The following ZNF44 variants were observed in gnomAD, a reference collection of about 807,000 sequenced individuals.
The protein encoded by ZNF44 is gonadotropin inducible transcription repressor-2.
ZNF44 carries 9 observed loss-of-function variants against 11.7 expected under a neutral mutation model. The ratio of observed to expected loss-of-function variants is 0.77; its 90% CI spans 0.46 to 1.35. The LOEUF (loss-of-function observed/expected upper bound fraction) is 1.35. Among genes scored for constraint, ZNF44 ranks in the 40% most tolerant of loss-of-function variants. The probability of loss-of-function intolerance (pLI) is 0.00; values close to 1 mark genes in which losing one functional copy is unlikely to be tolerated. For missense variants in ZNF44, 696 were observed against 743.1 expected (o/e 0.94, Z 0.74); for synonymous variants, 224 against 242.7 (o/e 0.92, Z 0.72).
chr19:12,229,229 C>T (rs1916053912), intron 3 of ZNF44, among the ~76,000 whole-genome samples: 1 of 152,084 alleles, frequency 6.6e-6, no homozygotes, highest in Admixed American at 6.6e-5. Flanking sequence ...TCCCAATTGG[C>T]TTATTGGCCT....
At chr19:12,233,682 C>T (rs1465538069) in intron 2 of ZNF44, among the ~76,000 whole-genome samples, 1 of 151,442 alleles carries the variant, frequency 6.6e-6, no homozygotes, top group Non-Finnish European at 1.5e-5. Flanking sequence ...ATGACTTAAA[C>T]ACATTGAAAT....
intron 1 of ZNF44, among the ~76,000 whole-genome samples, chr19:12,282,894 A>C (rs1967546258): frequency 6.6e-6 from 1 of 152,202 alleles, no homozygotes; most frequent in South Asian, 2.1e-4. Context: ...ATTGTCTTCC[A>C]CTTAGAACAT....
At chr19:12,287,346 C>G (rs1967806735) in intron 1 of ZNF44, among the ~76,000 whole-genome samples, 1 of 152,094 alleles carries the variant, frequency 6.6e-6, no homozygotes, top group African/African-American at 2.4e-5. Context: ...TCCCGAGTAG[C>G]TGGGACTACA....
rs566842579 is a variant in ZNF44, at chr19:12,231,568, C to T, written n.381-1053G>A. Among the ~76,000 whole-genome samples, 54 of 152,256 alleles carry T rather than the reference C, an allele frequency of 3.5e-4. 2 individuals are homozygous for T. Among genetic ancestry groups the T allele is most frequent in the South Asian group, 3.5e-3 (17 of 4,826 alleles). On this transcript the variant is annotated intron_variant and non_coding_transcript_variant, in intron 2 of 3. Transcript: ENST00000597563. ...ACATTTAAGTCAAAGGGCACTCCAT[C>T]CTTGATGCAGTGGAAATGGGGAAAT...
chr19:12,247,287 T>C (rs1241066608), downstream of ZNF44: 2 of 1,229,762 alleles, frequency 1.6e-6, no homozygotes, highest in Admixed American at 3.2e-5. Flanking sequence ...CTATTCAGCG[T>C]GCACTTTCTT....
chr19:12,266,281 C>T, intron 5 of ZNF44: 2 of 985,420 alleles, frequency 2.0e-6, no homozygotes, highest in African/African-American at 3.5e-5. Context: ...TCACCATTTC[C>T]TGGACTCCAG....
chr19:12,285,536 G>A (rs1447169441), intron 1 of ZNF44, among the ~76,000 whole-genome samples: 1 of 152,164 alleles, frequency 6.6e-6, no homozygotes, highest in Non-Finnish European at 1.5e-5. Flanking sequence ...CAACAGGCGT[G>A]AGCCACAGCA....
chr19:12,258,722 C>G (rs1917373173), intron 5 of ZNF44, among the ~76,000 whole-genome samples: 1 of 152,010 alleles, frequency 6.6e-6, no homozygotes, highest in African/African-American at 2.4e-5. Flanking sequence ...CCCAACTACT[C>G]AGGAGGCTGA....
intron 1 of ZNF44, among the ~76,000 whole-genome samples, chr19:12,278,605 G>A (rs529900758): frequency 6.6e-6 from 1 of 151,938 alleles, no homozygotes; most frequent in Non-Finnish European, 1.5e-5. Flanking sequence ...GGTGGCGCAT[G>A]CCTGTAGTCC....
chr19:12,258,001 A>C (rs10405850), intron 5 of ZNF44, among the ~76,000 whole-genome samples: 3 of 151,062 alleles, frequency 2.0e-5, no homozygotes, highest in Admixed American at 1.3e-4. Context: ...AACAAAAAAA[A>C]CAGGCCAGGC....
chr19:12,266,555 G>T (rs999845969), intron 5 of ZNF44, among the ~76,000 whole-genome samples: 9 of 152,242 alleles, frequency 5.9e-5, no homozygotes, highest in African/African-American at 1.4e-4. Flanking sequence ...CCCCTGGGGT[G>T]GGGGACACAG....
chr19:12,289,882 C>T (rs367708544), intron 1 of ZNF44, among the ~76,000 whole-genome samples: 1 of 151,968 alleles, frequency 6.6e-6, no homozygotes, highest in Non-Finnish European at 1.5e-5. Flanking sequence ...CCGCCTGCCT[C>T]GACCTCCCAA....
downstream of ZNF44, chr19:12,271,762 A>T (rs551038839): frequency 7.2e-5 from 11 of 152,118 alleles, no homozygotes; most frequent in South Asian, 2.3e-3. Flanking sequence ...ACACATATAG[A>T]TTTTTTTTCT....
chr19:12,275,082 C>T (rs775567523), intron 2 of ZNF44, 49 bp from the exon 3 acceptor site: 146 of 1,401,684 alleles, frequency 1.0e-4, no homozygotes, highest in Non-Finnish European at 1.3e-4. Flanking sequence ...CAAAATGATA[C>T]AAAAATTGTT....
chr19:12,268,916 A>C (rs1041244634), downstream of ZNF44, among the ~76,000 whole-genome samples: 8 of 151,904 alleles, frequency 5.3e-5, no homozygotes, highest in African/African-American at 1.9e-4. Flanking sequence ...CTAATTTTTA[A>C]AATTATCTGT....
chr19:12,273,948 A>C lies in ZNF44; in HGVS notation c.307T>G (p.Cys103Gly). The C allele has an allele frequency of 6.2e-7, 1 of 1,614,170 alleles. No homozygotes were observed. Among genetic ancestry groups the C allele is most frequent in the Non-Finnish European group, 8.5e-7 (1 of 1,180,042 alleles). Residue 103 changes from cysteine to glycine, a missense_variant, in exon 4 of 4, where the codon TGT becomes GGT. Coordinates refer to ENST00000355684, the MANE Select transcript of ZNF44 (RefSeq NM_016264.4). ...NKNTPARVDA[C>G]GSSVNGEVIM... The stretch of plus-strand genomic sequence containing the variant: ...ACTTCTCCATTCACACTGCTTCCAC[A>C]TGCATCTACTCTGGCGGGAGTGTTC...
intron 1 of ZNF44, among the ~76,000 whole-genome samples, chr19:12,277,221 A>G (rs971117179): frequency 2.0e-5 from 3 of 152,192 alleles, no homozygotes; most frequent in African/African-American, 4.8e-5. Context: ...GTGATTACAC[A>G]GAGAGAATAT....
In ZNF44 at chr19:12,282,421, C is replaced by CTTTTTTT. The variant is rs59865823; in HGVS notation, c.4-6346_4-6340dup. On this transcript the variant is annotated intron_variant, in intron 1 of 3. Transcript: ENST00000355684. ...AAATCAACCCACTTGGAGAAGTCTT[C>CTTTTTTT]TTTTTTTTTTTTTTTTTTGAGACGG... Among the ~76,000 whole-genome samples, 103 of 126,174 alleles carry CTTTTTTT rather than the reference C, an allele frequency of 8.2e-4. 2 individuals are homozygous for CTTTTTTT. The highest frequency in any genetic ancestry group is 1.8e-3 in the African/African-American group (57 of 32,264). The allele number at this position is 126,174 out of a possible 152,430, so 82.8% of individuals were successfully genotyped here.
At chr19:12,260,615 A>G (rs1917471366) in intron 5 of ZNF44, 2 of 619,248 alleles carry the variant, frequency 3.2e-6, no homozygotes, top group South Asian at 4.0e-5. Context: ...AAACAAAAAC[A>G]AAAACAAAAA....
Sources: allele counts gnomAD v4.1 joint callset (sites outside exome capture counted in the v4.1 genomes callset), GRCh38; gene constraint gnomAD v4.1.1; transcripts MANE v1.5; gene names NCBI Gene and HGNC (gene_info 2026-07-23, HGNC 2026-07-21).